Variants in NUMB observed in about 807,000 individuals in gnomAD.
NUMB encodes protein numb homolog.
Under a neutral mutation model 59.7 loss-of-function variants are expected in NUMB, and 29 were observed. That is an observed-to-expected ratio of 0.49 (90% CI 0.36 to 0.66). The LOEUF (loss-of-function observed/expected upper bound fraction) is 0.66, where lower values mean the gene tolerates loss of function less well. Among genes scored for constraint, NUMB ranks in the 30% least tolerant of loss-of-function variants. The probability of loss-of-function intolerance (pLI) is 0.00; values close to 1 mark genes in which losing one functional copy is unlikely to be tolerated. For missense variants in NUMB, 723 were observed against 822.0 expected (o/e 0.88, Z 1.47); for synonymous variants, 288 against 288.2 (o/e 1.00, Z 0.01).
intron 1 of NUMB, among the ~76,000 whole-genome samples, chr14:73,439,950 G>A (rs1047384279): frequency 1.3e-5 from 2 of 152,024 alleles, no homozygotes; most frequent in Admixed American, 6.6e-5. Flanking sequence ...CAAGTATAAG[G>A]TTAACATAAG....
At chr14:73,417,133 C>A (rs1463654700) in intron 1 of NUMB, among the ~76,000 whole-genome samples, 1 of 152,038 alleles carries the variant, frequency 6.6e-6, no homozygotes, top group African/African-American at 2.4e-5. Context: ...TCCCCATCAT[C>A]CTGCTGAGAG....
At chr14:73,338,117 A>AC (rs1892445860) in intron 4 of NUMB, among the ~76,000 whole-genome samples, 2 of 150,270 alleles carry the variant, frequency 1.3e-5, no homozygotes, top group South Asian at 4.2e-4. Flanking sequence ...AGACCCCCCC[A>AC]CCCCCAACCT....
At chr14:73,332,482 G>A (rs1892039360) in intron 4 of NUMB, among the ~76,000 whole-genome samples, 1 of 151,876 alleles carries the variant, frequency 6.6e-6, no homozygotes, top group African/African-American at 2.4e-5. Flanking sequence ...TCGAACTCCT[G>A]ACCTCAGATG....
intron 1 of NUMB, among the ~76,000 whole-genome samples, chr14:73,441,956 C>T (rs1883096527): frequency 6.6e-6 from 1 of 152,060 alleles, no homozygotes; most frequent in Admixed American, 6.6e-5. Context: ...CTCATTCTCA[C>T]TGCTGGTGAG....
At chr14:73,456,198 C>T (rs1021005529) in intron 1 of NUMB, among the ~76,000 whole-genome samples, 6 of 152,050 alleles carry the variant, frequency 3.9e-5, no homozygotes, top group Admixed American at 3.9e-4. Context: ...CAACCTCCAC[C>T]TCCGGGGTTC....
chr14:73,367,044 G>A (rs543744546), intron 2 of NUMB, 63 bp from the exon 3 acceptor site: 17 of 151,824 alleles, frequency 1.1e-4, no homozygotes, highest in Middle Eastern at 3.4e-3. Context: ...GCTGCATTGC[G>A]CTGAAATAGT....
intron 6 of NUMB, among the ~76,000 whole-genome samples, chr14:73,307,031 C>T (rs1276371881): frequency 6.6e-6 from 1 of 152,126 alleles, no homozygotes; most frequent in African/African-American, 2.4e-5. Flanking sequence ...AGCTAGGGGT[C>T]AGGCGTGGTG....
intron 1 of NUMB, among the ~76,000 whole-genome samples, chr14:73,423,508 G>A (rs1897446153): frequency 1.3e-5 from 2 of 152,132 alleles, no homozygotes; most frequent in Admixed American, 1.3e-4. Context: ...TGGGCGTGGT[G>A]GCTGGTGCCT....
At chr14:73,369,840 T>G (rs1045541913) in intron 2 of NUMB, among the ~76,000 whole-genome samples, 4 of 152,146 alleles carry the variant, frequency 2.6e-5, no homozygotes, top group African/African-American at 9.7e-5. Context: ...AACAGAACAT[T>G]AGTAGCATCC....
intron 4 of NUMB, among the ~76,000 whole-genome samples, chr14:73,351,777 C>T (rs1893288506): frequency 6.6e-6 from 1 of 151,894 alleles, no homozygotes; most frequent in African/African-American, 2.4e-5. Context: ...GAGATCGAGA[C>T]CATCCTGGCT....
intron 7 of NUMB, among the ~76,000 whole-genome samples, chr14:73,295,031 G>A (rs1243279281): frequency 5.7e-5 from 7 of 122,194 alleles, no homozygotes; most frequent in Non-Finnish European, 9.7e-5. Context: ...CTGTACTCCA[G>A]CCTGGGTGAC....
At chr14:73,278,068 A>AAAAC (rs1566722143) in intron 12 of NUMB, among the ~76,000 whole-genome samples, 2 of 150,722 alleles carry the variant, frequency 1.3e-5, no homozygotes, top group African/African-American at 4.9e-5. Flanking sequence ...AAAAAAAAAA[A>AAAAC]CACCTAGCTT....
At chr14:73,344,005 T>C (rs58214683) in intron 4 of NUMB, among the ~76,000 whole-genome samples, 7,838 of 152,232 alleles carry the variant, frequency 0.051, 655 homozygotes, top group African/African-American at 0.18. Flanking sequence ...CTCTTTAATA[T>C]CTTATGGTAT....
At chr14:73,352,126 A>G (rs1226540352) in intron 4 of NUMB, among the ~76,000 whole-genome samples, 1 of 152,066 alleles carries the variant, frequency 6.6e-6, no homozygotes, top group Non-Finnish European at 1.5e-5. Flanking sequence ...ATGGATACAA[A>G]GCCCTGCCCT....
Position 73,378,749 on chromosome 14 carries a change from G to C in NUMB, c.-100-11768C>G, listed in dbSNP as rs539834294. Among the ~76,000 whole-genome samples, 6 of 152,308 alleles carry C rather than the reference G, an allele frequency of 3.9e-5. No homozygotes were observed. The South Asian group carries it at 1.2e-3, about 32-fold the overall frequency. ...GACCTGTAACTGCCAGGGGTAAGGGGTCTGGGAAAGATAAACAGGCAGAGC... is the reference window on the plus strand; with the variant it reads ...GACCTGTAACTGCCAGGGGTAAGGGCTCTGGGAAAGATAAACAGGCAGAGC... On this transcript the variant is annotated intron_variant, in intron 2 of 12. Transcript: ENST00000555238.
chr14:73,420,900 C>T (rs180716382), intron 1 of NUMB, among the ~76,000 whole-genome samples: 19 of 152,150 alleles, frequency 1.2e-4, no homozygotes, highest in African/African-American at 4.6e-4. Flanking sequence ...AAATAAAATT[C>T]ATTATTGTAG....
At chr14:73,293,510 G>A (rs1264930185) in intron 7 of NUMB, among the ~76,000 whole-genome samples, 1 of 148,920 alleles carries the variant, frequency 6.7e-6, no homozygotes, top group Non-Finnish European at 1.5e-5. Context: ...TCCTGCCTCA[G>A]CCTCCCAAGC....
chr14:73,365,684 T>C (rs376550378), intron 3 of NUMB, among the ~76,000 whole-genome samples: 2 of 152,220 alleles, frequency 1.3e-5, no homozygotes, highest in Admixed American at 6.5e-5. Flanking sequence ...ATTCTTTAAA[T>C]AGCTTTTGAA....
chr14:73,394,740 T>C (rs1465789794), intron 2 of NUMB, among the ~76,000 whole-genome samples: 2 of 152,228 alleles, frequency 1.3e-5, no homozygotes, highest in Non-Finnish European at 2.9e-5. Context: ...GTTTCTGAAT[T>C]TGACTTTTCA....
Sources: gnomAD v4.1 joint callset for allele counts (sites outside exome capture counted in the v4.1 genomes callset) on GRCh38, gnomAD v4.1.1 for gene constraint, MANE v1.5 for transcripts, NCBI Gene and HGNC (gene_info 2026-07-23, HGNC 2026-07-21) for gene names.